The following GUCY1A2 variants were observed in gnomAD, a reference collection of about 807,000 sequenced individuals.
GUCY1A2 encodes the protein guanylate cyclase soluble subunit alpha-2.
In GUCY1A2, 27 loss-of-function variants were observed where a neutral mutation model predicts 63.5. The observed-to-expected ratio is 0.43, with a 90% CI of 0.31 to 0.59. The LOEUF is 0.59. Among genes scored for constraint, GUCY1A2 ranks in the 20% least tolerant of loss-of-function variants. The probability of loss-of-function intolerance (pLI) is 0.11; values close to 1 mark genes in which losing one functional copy is unlikely to be tolerated. For synonymous variants in GUCY1A2, 364 were observed against 343.5 expected (o/e 1.06, Z -0.66); for missense variants, 768 against 913.3 (o/e 0.84, Z 2.05).
chr11:107,008,124 C>A (rs763207717), intron 1 of GUCY1A2, among the ~76,000 whole-genome samples: 48 of 149,280 alleles, frequency 3.2e-4, no homozygotes, highest in Non-Finnish European at 6.8e-4. Context: ...AATAAACATA[C>A]AAAAATTAGC....
chr11:106,904,739 T>C (rs894430961), intron 4 of GUCY1A2, among the ~76,000 whole-genome samples: 3 of 151,904 alleles, frequency 2.0e-5, no homozygotes, highest in African/African-American at 7.3e-5. Flanking sequence ...ACTACAACTT[T>C]AATATATTCA....
chr11:106,777,312 T>A (rs1267375701), intron 5 of GUCY1A2, among the ~76,000 whole-genome samples: 1 of 151,914 alleles, frequency 6.6e-6, no homozygotes, highest in South Asian at 2.1e-4. Context: ...CTGGGCACGG[T>A]GGTGCGTGCC....
intron 4 of GUCY1A2, among the ~76,000 whole-genome samples, chr11:106,847,033 C>G (rs1045333973): frequency 4.0e-5 from 6 of 150,778 alleles, no homozygotes; most frequent in Non-Finnish European, 8.9e-5. Flanking sequence ...AAAATGTAAC[C>G]CAGGTTTATT....
Position 106,685,163 on chromosome 11 carries a change from G to GTGAT in GUCY1A2, c.*2382_*2385dup, listed in dbSNP as rs1862502333. 4.9e-6 allele frequency: 1 copy of GTGAT among 205,420 alleles called. No individual in the cohort carries two copies. Among genetic ancestry groups the GTGAT allele is most frequent in the Admixed American group, 6.0e-5 (1 of 16,796 alleles). 12.7% of individuals were successfully genotyped at this position (205,420 alleles called of 1,614,324 possible). On this transcript the variant is annotated 3_prime_UTR_variant, in exon 8 of 8. Coordinates refer to ENST00000526355, the MANE Select transcript of GUCY1A2 (RefSeq NM_000855.3). ...GAAAAATGTAGTTGACATCCTGTCA[G>GTGAT]TGATAAATAAGAAATCTCTGGCACG...
chr11:107,010,651 C>CA (rs538912757), intron 1 of GUCY1A2, among the ~76,000 whole-genome samples: 11 of 150,448 alleles, frequency 7.3e-5, no homozygotes, highest in East Asian at 3.9e-4. Context: ...AATATACCAC[C>CA]AAAAAAAAAT....
chr11:106,691,498 C>CA (rs1862624777), intron 7 of GUCY1A2, among the ~76,000 whole-genome samples: 1 of 152,164 alleles, frequency 6.6e-6, no homozygotes, highest in Non-Finnish European at 1.5e-5. Flanking sequence ...TTTGTCTCAC[C>CA]AAGATCTTTG....
At chr11:106,955,287 G>A (rs1860968324) in intron 3 of GUCY1A2, among the ~76,000 whole-genome samples, 4 of 152,234 alleles carry the variant, frequency 2.6e-5, no homozygotes, top group African/African-American at 9.6e-5. Flanking sequence ...TGTCTTTTAA[G>A]TGGGGCATTT....
chr11:106,858,232 G>A (rs1456032828), intron 4 of GUCY1A2, among the ~76,000 whole-genome samples: 2 of 152,142 alleles, frequency 1.3e-5, no homozygotes. Context: ...AAAAATTAAT[G>A]TAGCTAGATT....
At chr11:106,885,789 C>A (rs1859890310) in intron 4 of GUCY1A2, among the ~76,000 whole-genome samples, 1 of 152,154 alleles carries the variant, frequency 6.6e-6, no homozygotes, top group Non-Finnish European at 1.5e-5. Flanking sequence ...TTACAATCAT[C>A]ACATGTAGTA....
chr11:106,750,653 TAAG>T (rs1307708002), intron 6 of GUCY1A2, among the ~76,000 whole-genome samples: 4 of 152,010 alleles, frequency 2.6e-5, no homozygotes, highest in African/African-American at 9.7e-5. Flanking sequence ...GGTTTCTAAA[TAAG>T]AAAGATATTT....
At chr11:106,877,782 T>C (rs1251279408) in intron 4 of GUCY1A2, among the ~76,000 whole-genome samples, 1 of 152,082 alleles carries the variant, frequency 6.6e-6, no homozygotes, top group Non-Finnish European at 1.5e-5. Context: ...AAATGGGATA[T>C]AATTACACTG....
intron 1 of GUCY1A2, among the ~76,000 whole-genome samples, chr11:107,001,980 C>A (rs1373181373): frequency 6.6e-6 from 1 of 150,966 alleles, no homozygotes; most frequent in African/African-American, 2.4e-5. Flanking sequence ...GATCGCAACA[C>A]TACACAGCAG....
intron 4 of GUCY1A2, among the ~76,000 whole-genome samples, chr11:106,838,708 G>A (rs1353800616): frequency 6.6e-6 from 1 of 151,944 alleles, no homozygotes; most frequent in Non-Finnish European, 1.5e-5. Context: ...TTGTGGTTTT[G>A]ATTTGCATTT....
chr11:106,894,879 C>T (rs1299299930), intron 4 of GUCY1A2, among the ~76,000 whole-genome samples: 1 of 151,868 alleles, frequency 6.6e-6, no homozygotes, highest in East Asian at 1.9e-4. Context: ...AATCCAAAGT[C>T]GGCCTGAGAA....
intron 1 of GUCY1A2, among the ~76,000 whole-genome samples, chr11:107,009,240 A>T (rs1364813010): frequency 6.6e-6 from 1 of 152,080 alleles, no homozygotes; most frequent in Admixed American, 6.5e-5. Context: ...TATATATCTG[A>T]TATCTGAACC....
At chr11:106,903,731 T>A (rs17652539) in intron 4 of GUCY1A2, among the ~76,000 whole-genome samples, 4,547 of 152,260 alleles carry the variant, frequency 0.03, 126 homozygotes, top group Admixed American at 0.066. Context: ...GATAAAGACA[T>A]TTCTGTGAAG....
chr11:106,983,820 A>G (rs940703952), intron 2 of GUCY1A2, among the ~76,000 whole-genome samples: 1 of 152,206 alleles, frequency 6.6e-6, no homozygotes, highest in Non-Finnish European at 1.5e-5. Flanking sequence ...GCTTGTCGGC[A>G]CTTACTCTCA....
intron 5 of GUCY1A2, among the ~76,000 whole-genome samples, chr11:106,795,659 G>C (rs912416612): frequency 1.3e-5 from 2 of 152,072 alleles, no homozygotes; most frequent in Admixed American, 1.3e-4. Flanking sequence ...CCATTTCAAA[G>C]CTTGAAAAAT....
At chr11:106,736,626 TC>T (rs1863594774) in intron 6 of GUCY1A2, among the ~76,000 whole-genome samples, 1 of 152,162 alleles carries the variant, frequency 6.6e-6, no homozygotes, top group Non-Finnish European at 1.5e-5. Flanking sequence ...CTTTTATGGT[TC>T]CATATATATT....
Sources: allele counts gnomAD v4.1 joint callset (sites outside exome capture counted in the v4.1 genomes callset), GRCh38; gene constraint gnomAD v4.1.1; transcripts MANE v1.5; gene names NCBI Gene and HGNC (gene_info 2026-07-23, HGNC 2026-07-21).